RNF185: variants seen among roughly 807,000 people sequenced by gnomAD.
RNF185 encodes the protein E3 ubiquitin-protein ligase RNF185.
In RNF185, 13 loss-of-function variants were observed where a neutral mutation model predicts 24.9. The observed-to-expected ratio is 0.52, with a 90% CI of 0.34 to 0.83. The LOEUF (loss-of-function observed/expected upper bound fraction) is 0.83. RNF185 is among the 40% of genes least tolerant of loss of function. The pLI, the probability that RNF185 is intolerant of heterozygous loss-of-function variation, is 0.01. For synonymous variants in RNF185, 79 were observed against 90.3 expected (o/e 0.88, Z 0.71); for missense variants, 184 against 244.7 (o/e 0.75, Z 1.65).
chr22:31,174,800 T>C (rs2047964857), intron 1 of RNF185, among the ~76,000 whole-genome samples: 1 of 152,044 alleles, frequency 6.6e-6, no homozygotes, highest in Non-Finnish European at 1.5e-5. Context: ...CTGGGTGTGG[T>C]GGCTCATGCC....
At chr22:31,187,409 A>G (rs1281407071) in intron 2 of RNF185, 139 bp downstream of exon 2, 4 of 885,268 alleles carry the variant, frequency 4.5e-6, no homozygotes, top group Non-Finnish European at 7.0e-6. Flanking sequence ...CTGAGTTCCC[A>G]TCCCAGCTCT....
At chr22:31,178,820 C>A (rs1213857172) in intron 1 of RNF185, among the ~76,000 whole-genome samples, 1 of 152,056 alleles carries the variant, frequency 6.6e-6, no homozygotes, top group Admixed American at 6.6e-5. Context: ...TCAAACAGCA[C>A]AAAAGTTACA....
chr22:31,197,024 GA>G (rs1753402375), intron 5 of RNF185, 34 bp downstream of exon 5: 3 of 1,612,794 alleles, frequency 1.9e-6, no homozygotes, highest in African/African-American at 2.7e-5. Flanking sequence ...TTCTACAAAT[GA>G]GCTGATGGCT....
intron 2 of RNF185, among the ~76,000 whole-genome samples, chr22:31,189,548 C>T (rs1301092535): frequency 2.0e-5 from 3 of 151,402 alleles, no homozygotes; most frequent in African/African-American, 7.3e-5. Flanking sequence ...CTGCCCACCC[C>T]GACCTCCCAA....
intron 1 of RNF185, among the ~76,000 whole-genome samples, chr22:31,162,365 C>A (rs1171130400): frequency 6.6e-6 from 1 of 152,082 alleles, no homozygotes; most frequent in African/African-American, 2.4e-5. Context: ...CTAAAAGTTT[C>A]CTTTTAAAGA....
rs1412056930 is a variant in RNF185, at chr22:31,180,909, CTCTCTCTGTGTGTGTG to C, written c.-48-6136_-48-6121del. ...TGTGTATTTTCTAGGCATTTTCTCT[CTCTCTCTGTGTGTGTG>C]TGTGTGTGTGTGTGTGTGTGTGTGT... On this transcript the variant is annotated intron_variant, in intron 1 of 6. Coordinates refer to ENST00000326132, the MANE Select transcript of RNF185 (RefSeq NM_152267.4). Among the ~76,000 whole-genome samples, 479 of 128,848 alleles carry C rather than the reference CTCTCTCTGTGTGTGTG, an allele frequency of 3.7e-3. 11 individuals carry two copies. In the East Asian group the frequency reaches 0.056, roughly 15 times the overall value. The allele number at this position is 128,848 out of a possible 152,430, so 84.5% of individuals were successfully genotyped here.
At chr22:31,172,225 T>C (rs2047937449) in intron 1 of RNF185, among the ~76,000 whole-genome samples, 1 of 152,270 alleles carries the variant, frequency 6.6e-6, no homozygotes, top group East Asian at 1.9e-4. Context: ...TGGTGGCTAA[T>C]GCCTGTAATC....
intron 1 of RNF185, among the ~76,000 whole-genome samples, chr22:31,176,878 G>A (rs1290064020): frequency 6.6e-6 from 1 of 152,164 alleles, no homozygotes; most frequent in African/African-American, 2.4e-5. Context: ...TAGTGGCTGT[G>A]TAATCTATTA....
intron 1 of RNF185, among the ~76,000 whole-genome samples, chr22:31,162,805 C>T (rs1602777680): frequency 6.7e-6 from 1 of 148,302 alleles, no homozygotes; most frequent in African/African-American, 2.5e-5. Context: ...CGCTCTGTTG[C>T]CCAGGCTGGA....
Position 31,195,562 on chromosome 22 carries a change from A to C in RNF185, c.289A>C (p.Thr97Pro). The change falls in exon 4 of 7, where the codon ACT becomes CCT. Residue 97 changes from threonine (T) to proline (P), a missense_variant. Thr to Pro is a conservative substitution (Grantham distance 38). Transcript: ENST00000326132. Reference sequence around the variant, plus strand: ...CATCCCCCTCTATGGAAGGGGCAGCACTGGGCAACAGGACCCCAGGTGAGG... The same window carrying C: ...CATCCCCCTCTATGGAAGGGGCAGCCCTGGGCAACAGGACCCCAGGTGAGG... ...KVIPLYGRGS[T>P]GQQDPREKTP... The C allele has an allele frequency of 6.2e-7, 1 of 1,608,192 alleles. No individual in the cohort carries two copies. Among genetic ancestry groups the C allele is most frequent in the East Asian group, 2.2e-5 (1 of 44,604 alleles).
chr22:31,168,074 A>T (rs1400679174), intron 1 of RNF185, among the ~76,000 whole-genome samples: 2 of 152,216 alleles, frequency 1.3e-5, no homozygotes, highest in Non-Finnish European at 2.9e-5. Context: ...CTCTGTGTCT[A>T]TTAAACAATA....
At chr22:31,169,639 C>T (rs541565684) in intron 1 of RNF185, among the ~76,000 whole-genome samples, 6 of 152,160 alleles carry the variant, frequency 3.9e-5, no homozygotes, top group East Asian at 1.9e-4. Flanking sequence ...CTCTGCCTCC[C>T]GGACTCAAGC....
intron 2 of RNF185, among the ~76,000 whole-genome samples, chr22:31,189,849 C>T (rs1322283572): frequency 1.3e-5 from 2 of 152,160 alleles, no homozygotes; most frequent in African/African-American, 4.8e-5. Flanking sequence ...CCGCCTCGGC[C>T]TCCCATAGTG....
At chr22:31,192,825 AC>A (rs951627403) in intron 3 of RNF185, 123 bp downstream of exon 3, 17 of 850,198 alleles carry the variant, frequency 2.0e-5, no homozygotes, top group African/African-American at 1.3e-4. Context: ...TTGCTTACTT[AC>A]CCCCACAGCC....
chr22:31,171,461 G>T (rs1327101101), intron 1 of RNF185, among the ~76,000 whole-genome samples: 1 of 151,906 alleles, frequency 6.6e-6, no homozygotes, highest in Non-Finnish European at 1.5e-5. Flanking sequence ...GATTACAGGC[G>T]TGAGCTACTG....
intron 1 of RNF185, among the ~76,000 whole-genome samples, chr22:31,172,587 A>G (rs2047940918): frequency 2.0e-5 from 3 of 151,918 alleles, no homozygotes. Flanking sequence ...CATCTCTACT[A>G]AAAATACAAA....
chr22:31,179,022 T>G (rs1469673737), intron 1 of RNF185, among the ~76,000 whole-genome samples: 1 of 152,176 alleles, frequency 6.6e-6, no homozygotes, highest in Non-Finnish European at 1.5e-5. Context: ...ATCTGTAAAA[T>G]GGCATGAGGA....
intron 1 of RNF185, among the ~76,000 whole-genome samples, chr22:31,167,577 T>G (rs1012488168): frequency 6.6e-6 from 1 of 151,478 alleles, no homozygotes; most frequent in African/African-American, 2.4e-5. Flanking sequence ...ACACAATGTA[T>G]GACCTTTTAT....
intron 1 of RNF185, among the ~76,000 whole-genome samples, chr22:31,171,882 C>T (rs202021115): frequency 8.6e-5 from 13 of 151,846 alleles, no homozygotes; most frequent in African/African-American, 3.1e-4. Flanking sequence ...GCAGGAGAAT[C>T]GCTTGAACCT....
Sources: allele counts gnomAD v4.1 joint callset (sites outside exome capture counted in the v4.1 genomes callset), GRCh38; gene constraint gnomAD v4.1.1; transcripts MANE v1.5; gene names NCBI Gene and HGNC (gene_info 2026-07-23, HGNC 2026-07-21).